The following CLDN14 variants were observed in gnomAD, a reference collection of about 807,000 sequenced individuals.
The protein encoded by CLDN14 is claudin-14.
A neutral mutation model predicts 2.1 loss-of-function variants in CLDN14; 2 were observed. The observed-to-expected ratio is 0.96, with a 90% confidence interval of 0.39 to 3.01. The LOEUF is 3.01. CLDN14 is among the 30% of genes most tolerant of loss of function. The probability of loss-of-function intolerance (pLI) is 0.09; values close to 1 mark genes in which losing one functional copy is unlikely to be tolerated. For synonymous variants in CLDN14, 136 were observed against 154.4 expected, an observed-to-expected ratio of 0.88 and a Z score of 0.88; for missense variants, 298 against 328.0, an observed-to-expected ratio of 0.91 and a Z score of 0.71.
intron 1 of CLDN14, among the ~76,000 whole-genome samples, chr21:36,517,403 A>T (rs2835376): frequency 0.74 from 112,415 of 152,110 alleles, 44,217 homozygotes; most frequent in Non-Finnish European, 0.9. Context: ...GCATTAGACA[A>T]TGACCATATC....
intron 1 of CLDN14, among the ~76,000 whole-genome samples, chr21:36,549,749 C>T (rs2087550812): frequency 6.6e-6 from 1 of 152,224 alleles, no homozygotes; most frequent in South Asian, 2.1e-4. Flanking sequence ...GGGTGGACAT[C>T]GGTGAACTTC....
At chr21:36,554,213 C>T (rs2087582675) in intron 1 of CLDN14, among the ~76,000 whole-genome samples, 1 of 152,184 alleles carries the variant, frequency 6.6e-6, no homozygotes, top group Non-Finnish European at 1.5e-5. Flanking sequence ...TTTCATGAGA[C>T]AGCATCCCAA....
At chr21:36,470,080 G>T (rs2086692306) in intron 1 of CLDN14, among the ~76,000 whole-genome samples, 1 of 152,016 alleles carries the variant, frequency 6.6e-6, no homozygotes. Context: ...AAAAACCCAG[G>T]TGGACATACA....
chr21:36,563,371 A>C (rs9984896), intron 1 of CLDN14, among the ~76,000 whole-genome samples: 19,836 of 152,066 alleles, frequency 0.13, 1,622 homozygotes, highest in Non-Finnish European at 0.19. Context: ...TGGTTTCCTT[A>C]CCGTAGCGCT....
chr21:36,562,859 A>G lies in CLDN14; in HGVS notation c.-220+13552T>C, dbSNP rs536446378. On this transcript the variant is annotated intron_variant, in intron 1 of 2. Transcript: ENST00000342108. ...TGGGAATTCTAATAACCCTGGCTTCATGGGTAATTTGGGGTAAGTTATTCA... is the reference window on the plus strand; with the variant it reads ...TGGGAATTCTAATAACCCTGGCTTCGTGGGTAATTTGGGGTAAGTTATTCA... Among the ~76,000 whole-genome samples, 24 of 152,260 alleles carry G rather than the reference A, an allele frequency of 1.6e-4. No individual in the cohort carries two copies. The East Asian group carries it at 4.4e-3, about 28-fold the overall frequency.
At chr21:36,474,518 G>A (rs374374851) in intron 1 of CLDN14, among the ~76,000 whole-genome samples, 1 of 152,146 alleles carries the variant, frequency 6.6e-6, no homozygotes, top group East Asian at 1.9e-4. Context: ...AATCCTGCAT[G>A]TTATGTGTTA....
intron 1 of CLDN14, among the ~76,000 whole-genome samples, chr21:36,515,789 C>CTCTCTTTT (rs777338181): frequency 7.8e-5 from 9 of 115,316 alleles, no homozygotes; most frequent in South Asian, 2.7e-4. Context: ...TTTATCTTCT[C>CTCTCTTTT]TTTTTTTTTT....
At chr21:36,503,440 T>C (rs1360757222) in intron 2 of CLDN14, among the ~76,000 whole-genome samples, 2 of 152,188 alleles carry the variant, frequency 1.3e-5, no homozygotes, top group African/African-American at 2.4e-5. Context: ...AATTGAATCA[T>C]GGGGCCAGAT....
At chr21:36,555,481 G>A (rs568988614) in intron 1 of CLDN14, among the ~76,000 whole-genome samples, 2 of 152,356 alleles carry the variant, frequency 1.3e-5, no homozygotes, top group Admixed American at 6.5e-5. Flanking sequence ...TTCCAAGGTC[G>A]TAAGTTTTCT....
chr21:36,547,485 A>G lies in CLDN14; in HGVS notation c.-220+28926T>C, dbSNP rs568191275. Among the ~76,000 whole-genome samples the G allele has an allele frequency of 1.3e-3, 198 of 152,342 alleles. 3 individuals are homozygous for G. Among genetic ancestry groups the G allele is most frequent in the Non-Finnish European group, 8.2e-4 (56 of 68,038 alleles). On this transcript the variant is annotated intron_variant, in intron 1 of 2. Transcript: ENST00000342108. ...AGAACCTTCCGACAGAGCTTTCCAG[A>G]GTACTGTGAGCCTGTCAGACACCTA... is the stretch of plus-strand genomic sequence containing the variant.
At chr21:36,526,724 G>A (rs543929928) in intron 1 of CLDN14, among the ~76,000 whole-genome samples, 44 of 152,200 alleles carry the variant, frequency 2.9e-4, no homozygotes, top group Non-Finnish European at 5.4e-4. Context: ...TCCTGAGGTA[G>A]GCCCAGCAAT....
chr21:36,486,385 C>G (rs1440321022), intron 2 of CLDN14: 1 of 999,936 alleles, frequency 1.0e-6, no homozygotes, highest in African/African-American at 1.6e-5. Flanking sequence ...GCAGAGGCTG[C>G]AGCTGCTCGT....
chr21:36,484,061 C>T (rs1373293370), upstream of CLDN14, among the ~76,000 whole-genome samples: 1 of 152,102 alleles, frequency 6.6e-6, no homozygotes, highest in Non-Finnish European at 1.5e-5. Context: ...CCCCACTGGG[C>T]GGCAGGGACA....
intron 1 of CLDN14, among the ~76,000 whole-genome samples, chr21:36,550,007 C>A (rs1269140965): frequency 6.6e-6 from 1 of 152,226 alleles, no homozygotes; most frequent in East Asian, 1.9e-4. Context: ...CCTGCTCTGT[C>A]CCCAGCAGCT....
intron 1 of CLDN14, among the ~76,000 whole-genome samples, chr21:36,576,100 G>C (rs4462865): frequency 6.6e-6 from 1 of 152,180 alleles, no homozygotes; most frequent in African/African-American, 2.4e-5. Context: ...AGTGAGGTAA[G>C]AATAGAAGTA....
intron 2 of CLDN14, among the ~76,000 whole-genome samples, chr21:36,491,629 G>C (rs2086965613): frequency 6.6e-6 from 1 of 152,176 alleles, no homozygotes; most frequent in Non-Finnish European, 1.5e-5. Flanking sequence ...GGAACAAGGA[G>C]GGGTATAAGC....
Position 36,499,692 on chromosome 21 carries a change from T to C in CLDN14, c.-82+10671A>G, listed in dbSNP as rs2087075211. ...ATCATGATGTTGAGATTCACTGATTTAGACACGCAGACAATAAATACTGAT... is the reference window on the plus strand; with the variant it reads ...ATCATGATGTTGAGATTCACTGATTCAGACACGCAGACAATAAATACTGAT... On this transcript the variant is annotated intron_variant, in intron 2 of 2. Transcript: ENST00000342108. The surrounding 1 kb of genome is among the most constrained non-coding windows in gnomAD (Gnocchi z 4.7). Among the ~76,000 whole-genome samples the C allele has an allele frequency of 6.6e-6, 1 of 152,152 alleles. No homozygotes were observed. The highest frequency in any genetic ancestry group is 2.1e-4 in the South Asian group (1 of 4,834).
chr21:36,569,617 C>T (rs1201217637), intron 1 of CLDN14, among the ~76,000 whole-genome samples: 2 of 152,146 alleles, frequency 1.3e-5, no homozygotes, highest in Admixed American at 6.5e-5. Context: ...GGATCATTAA[C>T]GGATGTTACA....
intron 2 of CLDN14, among the ~76,000 whole-genome samples, chr21:36,488,998 T>C (rs1438465010): frequency 6.6e-6 from 1 of 150,802 alleles, no homozygotes; most frequent in Admixed American, 6.6e-5. Flanking sequence ...CGATCCCAGC[T>C]ACTCAGGAGG....
Sources: gnomAD v4.1 joint callset for allele counts (sites outside exome capture counted in the v4.1 genomes callset) on GRCh38, gnomAD v4.1.1 for gene constraint, Gnocchi (gnomAD v3.1) non-coding constraint, MANE v1.5 for transcripts, NCBI Gene and HGNC (gene_info 2026-07-23, HGNC 2026-07-21) for gene names.